The following MAGI2 variants were observed in gnomAD, a reference collection of about 807,000 sequenced individuals.
The protein encoded by MAGI2 is membrane-associated guanylate kinase, WW and PDZ domain-containing protein 2.
A neutral mutation model predicts 133.3 loss-of-function variants in MAGI2; 35 were observed. The observed-to-expected ratio is 0.26, with a 90% CI of 0.20 to 0.35. The LOEUF (loss-of-function observed/expected upper bound fraction) is 0.35, where lower values mean the gene tolerates loss of function less well. Among genes scored for constraint, MAGI2 ranks in the 10% least tolerant of loss-of-function variants. The pLI is 1.00. For synonymous variants in MAGI2, 729 were observed against 710.6 expected (o/e 1.03, Z -0.41); for missense variants, 1,636 against 1,863.4 (o/e 0.88, Z 2.25).
intron 6 of MAGI2, among the ~76,000 whole-genome samples, chr7:78,407,601 T>C (rs1464787403): frequency 6.6e-6 from 1 of 151,448 alleles, no homozygotes; most frequent in Non-Finnish European, 1.5e-5. Context: ...TACCAACAAA[T>C]GGGTTTGGGG....
chr7:78,382,361 T>A (rs1443229819), intron 6 of MAGI2, among the ~76,000 whole-genome samples: 3 of 148,116 alleles, frequency 2.0e-5, no homozygotes, highest in Admixed American at 6.7e-5. Context: ...AAAAAAAAAA[T>A]GTAAAATAAC....
At chr7:78,134,907 A>G in intron 17 of MAGI2, 114 bp downstream of exon 17, 1 of 846,438 alleles carries the variant, frequency 1.2e-6, no homozygotes, top group South Asian at 1.7e-5. Context: ...ACACTCTGAC[A>G]CCACAGTGAC....
At chr7:78,114,409 T>A (rs17594255) in intron 20 of MAGI2, among the ~76,000 whole-genome samples, 16,820 of 152,282 alleles carry the variant, frequency 0.11, 1,254 homozygotes, top group Non-Finnish European at 0.17. Context: ...CACGTGACAG[T>A]CTTTGTTAAG....
At chr7:78,579,513 C>T (rs1050389534) in intron 3 of MAGI2, among the ~76,000 whole-genome samples, 6 of 152,160 alleles carry the variant, frequency 3.9e-5, no homozygotes, top group Non-Finnish European at 2.9e-5. Context: ...AGATTAACCA[C>T]TGAAGACAAT....
chr7:78,174,600 G>A (rs1826416517), intron 14 of MAGI2, among the ~76,000 whole-genome samples: 1 of 152,236 alleles, frequency 6.6e-6, no homozygotes, highest in African/African-American at 2.4e-5. Context: ...CCTGGTTTCT[G>A]AAAGGTTAAC....
At chr7:78,553,943 T>C (rs559503825) in intron 3 of MAGI2, among the ~76,000 whole-genome samples, 1 of 152,302 alleles carries the variant, frequency 6.6e-6, no homozygotes, top group South Asian at 2.1e-4. Flanking sequence ...AGGCCCAACC[T>C]GAGTCTGACC....
chr7:78,841,905 C>T (rs548240030), intron 2 of MAGI2, among the ~76,000 whole-genome samples: 4 of 151,890 alleles, frequency 2.6e-5, no homozygotes, highest in Non-Finnish European at 4.4e-5. Context: ...TTCCTTAGAG[C>T]CCTGCACCTC....
At chr7:79,278,386 T>C (rs1295980839) in intron 1 of MAGI2, among the ~76,000 whole-genome samples, 1 of 152,176 alleles carries the variant, frequency 6.6e-6, no homozygotes, top group Non-Finnish European at 1.5e-5. Context: ...CAGTTTCAGG[T>C]ATTTCTTTAT....
chr7:78,991,847 T>A (rs917793473), intron 2 of MAGI2, among the ~76,000 whole-genome samples: 4 of 152,066 alleles, frequency 2.6e-5, no homozygotes, highest in Non-Finnish European at 5.9e-5. Context: ...AACTAGCAAA[T>A]TGTGACTAAG....
intron 1 of MAGI2, among the ~76,000 whole-genome samples, chr7:79,292,632 C>G (rs557753479): frequency 8.7e-4 from 131 of 150,104 alleles, no homozygotes; most frequent in African/African-American, 3.0e-3. Context: ...GACCCTGCCA[C>G]CAAAAAAAAA....
intron 10 of MAGI2, among the ~76,000 whole-genome samples, chr7:78,222,624 A>G (rs559960424): frequency 6.6e-6 from 1 of 152,296 alleles, no homozygotes; most frequent in East Asian, 1.9e-4. Flanking sequence ...CTGCCCCCAA[A>G]CACAGTAGGG....
chr7:78,427,976 C>A (rs1799450034), intron 6 of MAGI2, among the ~76,000 whole-genome samples: 1 of 152,160 alleles, frequency 6.6e-6, no homozygotes, highest in South Asian at 2.1e-4. Flanking sequence ...CATCCTATGC[C>A]ATCTCCTGTG....
chr7:79,061,865 T>G (rs1813776756), intron 1 of MAGI2, among the ~76,000 whole-genome samples: 1 of 152,108 alleles, frequency 6.6e-6, no homozygotes, highest in Non-Finnish European at 1.5e-5. Flanking sequence ...GGCTTTGCAG[T>G]TCAAATACCT....
At chr7:78,578,938 C>T (rs1391068284) in intron 3 of MAGI2, among the ~76,000 whole-genome samples, 1 of 152,156 alleles carries the variant, frequency 6.6e-6, no homozygotes, top group Non-Finnish European at 1.5e-5. Context: ...TTTCTGGAAG[C>T]TTTTCCCAAT....
intron 2 of MAGI2, among the ~76,000 whole-genome samples, chr7:78,761,503 T>C (rs1215872479): frequency 6.6e-6 from 1 of 151,108 alleles, no homozygotes; most frequent in Non-Finnish European, 1.5e-5. Context: ...TCTTGCTCTG[T>C]CCCCCAGGCT....
chr7:79,423,636 A>G (rs1440938455), intron 1 of MAGI2, among the ~76,000 whole-genome samples: 2 of 152,112 alleles, frequency 1.3e-5, no homozygotes, highest in Non-Finnish European at 2.9e-5. Context: ...TGTATTATGC[A>G]GGTTATGCCA....
chr7:78,880,370 C>T (rs997072260), intron 2 of MAGI2, among the ~76,000 whole-genome samples: 6 of 152,104 alleles, frequency 3.9e-5, no homozygotes, highest in Admixed American at 3.9e-4. Flanking sequence ...AGATTAATAA[C>T]AGACTTCTCA....
chr7:79,146,469 A>T (rs1260103065), intron 1 of MAGI2, among the ~76,000 whole-genome samples: 1 of 152,166 alleles, frequency 6.6e-6, no homozygotes, highest in East Asian at 1.9e-4. Context: ...GACTTAATGG[A>T]TGGTGTGATT....
At chr7:79,198,509 A>G (rs1015413436) in intron 1 of MAGI2, among the ~76,000 whole-genome samples, 12 of 152,006 alleles carry the variant, frequency 7.9e-5, no homozygotes, top group African/African-American at 2.9e-4. Context: ...AAGCATCTTA[A>G]TTACAATACT....
Sources: gnomAD v4.1 joint callset for allele counts (sites outside exome capture counted in the v4.1 genomes callset) on GRCh38, gnomAD v4.1.1 for gene constraint, MANE v1.5 for transcripts, NCBI Gene and HGNC (gene_info 2026-07-23, HGNC 2026-07-21) for gene names.